The following GEMIN6 variants were observed in gnomAD, a reference collection of about 807,000 sequenced individuals.
GEMIN6 encodes the protein gem-associated protein 6.
In GEMIN6, 13 loss-of-function variants were observed where a neutral mutation model predicts 14.1. The observed-to-expected ratio is 0.92, with a 90% CI of 0.60 to 1.46. GEMIN6 has a LOEUF of 1.46. Among genes scored for constraint, GEMIN6 ranks in the 40% most tolerant of loss-of-function variants. The pLI, the probability that GEMIN6 is intolerant of heterozygous loss-of-function variation, is 0.00. For synonymous variants in GEMIN6, 87 were observed against 70.0 expected (o/e 1.24, Z -1.21); for missense variants, 271 against 202.4 (o/e 1.34, Z -2.06).
intron 2 of GEMIN6, among the ~76,000 whole-genome samples, chr2:38,780,484 G>T (rs988459502): frequency 1.4e-5 from 2 of 147,312 alleles, no homozygotes; most frequent in African/African-American, 2.5e-5. Context: ...CCTGCCTCAG[G>T]CTCCTAAGTA....
rs922806696 is a variant in GEMIN6, at chr2:38,783,098, G to C, written c.*1206G>C. On this transcript the variant is annotated 3_prime_UTR_variant, in exon 3 of 3. Transcript: ENST00000281950. ...TTGGTCAGGCTGGTCTCAAACTCCC[G>C]ACCTCAGGTGATCCGCCCGCCTCGG... 6.6e-6 allele frequency: 1 copy of C among 152,298 alleles called. No homozygotes were observed. Among genetic ancestry groups the C allele is most frequent in the Non-Finnish European group, 1.5e-5 (1 of 68,264 alleles). 9.4% of individuals were successfully genotyped at this position (152,298 alleles called of 1,614,324 possible). A position where few individuals can be genotyped will look rare whatever the true frequency, so the allele number is the denominator to read the frequency against.
rs1234176765 is a variant in GEMIN6, at chr2:38,781,829, T to C, written c.441T>C (p.Ser147=). Residue 147 remains serine, a synonymous_variant, in exon 3 of 3, where the codon TCT becomes TCC. Transcript: ENST00000281950. ...PPYGPENCSS[S]NEIILSRVQD... Reference sequence around the variant, plus strand: ...ATGGTCCAGAAAATTGCAGCAGCTCTAATGAGATTATTCTGTCGCGTGTTC... The same window carrying C: ...ATGGTCCAGAAAATTGCAGCAGCTCCAATGAGATTATTCTGTCGCGTGTTC... The C allele has an allele frequency of 1.2e-6, 2 of 1,613,722 alleles. No homozygotes were observed. Among genetic ancestry groups the C allele is most frequent in the Admixed American group, 1.7e-5 (1 of 59,984 alleles).
chr2:38,779,783 G>A (rs1456455518), intron 2 of GEMIN6, among the ~76,000 whole-genome samples: 1 of 142,320 alleles, frequency 7.0e-6, no homozygotes, highest in Non-Finnish European at 1.5e-5. Flanking sequence ...CCAGGTTCAA[G>A]TGATTCTCAT....
In GEMIN6 at chr2:38,782,267, TCGAG is replaced by T; in HGVS notation, c.*376_*379del. The T allele has an allele frequency of 1.2e-5, 2 of 167,200 alleles. No individual in the cohort carries two copies. The highest frequency in any genetic ancestry group is 2.6e-5 in the Non-Finnish European group (2 of 78,064). The allele number at this position is 167,200 out of a possible 1,614,324, so 10.4% of individuals were successfully genotyped here. ...CAACCGATTCCCCTGCCTCAGCCTC[TCGAG>T]TAGCTGGGACTACAGGTGCACGCCA... On this transcript the variant is annotated 3_prime_UTR_variant, in exon 3 of 3. Transcript: ENST00000281950.
At chr2:38,779,932 C>T (rs1324501515) in intron 2 of GEMIN6, among the ~76,000 whole-genome samples, 16 of 150,960 alleles carry the variant, frequency 1.1e-4, no homozygotes, top group Non-Finnish European at 1.5e-5. Flanking sequence ...ATCTGCCCAC[C>T]TTGGCCTCCC....
At chr2:38,779,341 C>T in intron 2 of GEMIN6, 1 of 461,444 alleles carries the variant, frequency 2.2e-6, no homozygotes, top group South Asian at 1.9e-5. Context: ...AGCGATTCTC[C>T]TGCCTTAGCC....
At chr2:38,781,204 G>A (rs556344972) in intron 2 of GEMIN6, among the ~76,000 whole-genome samples, 7 of 150,530 alleles carry the variant, frequency 4.7e-5, no homozygotes, top group African/African-American at 9.8e-5. Flanking sequence ...TCCTGACCTC[G>A]TGATCCACCC....
At position 38,783,274 on chromosome 2, in the gene GEMIN6, G is replaced by C. The variant is rs1223231735; in HGVS notation, c.*1382G>C. 6.6e-6 allele frequency: 1 copy of C among 152,584 alleles called. No homozygotes were observed. The highest frequency in any genetic ancestry group is 2.4e-5 in the African/African-American group (1 of 41,332). 9.5% of individuals were successfully genotyped at this position (152,584 alleles called of 1,614,324 possible). A position where few individuals can be genotyped will look rare whatever the true frequency, so the allele number is the denominator to read the frequency against. ...ACAATCTCGGCTCACTGCAACCTCT[G>C]CCTCCTGAGTTCAAGCCATTCTCCT... On this transcript the variant is annotated 3_prime_UTR_variant, in exon 3 of 3. Transcript: ENST00000281950.
chr2:38,781,380 T>G (rs552689126), intron 2 of GEMIN6, 137 bp from the exon 3 acceptor site: 2 of 909,834 alleles, frequency 2.2e-6, no homozygotes, highest in Non-Finnish European at 1.7e-6. Flanking sequence ...CTATTTAGGA[T>G]CCTTAGTGAA....
At position 38,781,774 on chromosome 2, in the gene GEMIN6, T is replaced by C; in HGVS notation, c.386T>C (p.Val129Ala). The C allele has an allele frequency of 6.2e-7, 1 of 1,614,194 alleles. No homozygotes were observed. The highest frequency in any genetic ancestry group is 2.2e-5 in the East Asian group (1 of 44,878). ...GGAGACGCTCCAAGGACTCTCTGTG[T>C]GGCTGGGGTCCTGACTATAGACCCA... ...EQGDAPRTLC[V>A]AGVLTIDPPY... The change falls in exon 3 of 3, where the codon GTG becomes GCG. Residue 129 changes from valine (V) to alanine (A), a missense_variant. Transcript: ENST00000281950.
rs775259745 is a variant in GEMIN6, at chr2:38,781,753, A to C, written c.365A>C (p.Asp122Ala). 1 of 1,614,188 alleles carries C rather than the reference A, an allele frequency of 6.2e-7. No homozygotes were observed. Among genetic ancestry groups the C allele is most frequent in the Non-Finnish European group, 8.5e-7 (1 of 1,180,032 alleles). ...CACATCCCCATCACTGAACAGGGAG[A>C]CGCTCCAAGGACTCTCTGTGTGGCT... ...KNHIPITEQGDAPRTLCVAGV... is the reference protein window; with the variant it reads ...KNHIPITEQGAAPRTLCVAGV... Residue 122 changes from aspartate (D) to alanine (A), a missense_variant, in exon 3 of 3, where the codon GAC becomes GCC. Transcript: ENST00000281950.
At position 38,781,650 on chromosome 2, in the gene GEMIN6, T is replaced by C. The variant is rs763846938; in HGVS notation, c.262T>C (p.Ser88Pro). 6.2e-7 allele frequency: 1 copy of C among 1,614,158 alleles called. No individual in the cohort carries two copies. The highest frequency in any genetic ancestry group is 8.5e-7 in the Non-Finnish European group (1 of 1,180,028). ...GGAGAAGCTGATGCATTTGTTCACG[T>C]CTGGAGACTGCAAAGCATACAGCCC... ...VREKLMHLFTSGDCKAYSPED... is the reference protein window; with the variant it reads ...VREKLMHLFTPGDCKAYSPED... The change falls in exon 3 of 3, where the codon TCT becomes CCT. Residue 88 changes from serine (S) to proline (P), a missense_variant. Ser to Pro is a moderately conservative substitution (Grantham distance 74). Coordinates refer to ENST00000281950, the MANE Select transcript of GEMIN6 (RefSeq NM_024775.10).
rs1330448223 is a variant in GEMIN6, at chr2:38,784,625, G to T, written c.*2733G>T. The T allele has an allele frequency of 6.6e-6, 1 of 152,076 alleles. No homozygotes were observed. Among genetic ancestry groups the T allele is most frequent in the East Asian group, 1.9e-4 (1 of 5,192 alleles). 9.4% of individuals were successfully genotyped at this position (152,076 alleles called of 1,614,324 possible). A position where few individuals can be genotyped will look rare whatever the true frequency, so the allele number is the denominator to read the frequency against. On this transcript the variant is annotated 3_prime_UTR_variant, in exon 3 of 3. Coordinates refer to ENST00000281950, the MANE Select transcript of GEMIN6 (RefSeq NM_024775.10). ...CAGGCCCGGTGCCTTGATATTGGTA[G>T]ATTTATTTGCCATCAGACTAATGAG...
Position 38,779,068 on chromosome 2 carries a change from G to T in GEMIN6, c.78G>T (p.Glu26Asp). The T allele has an allele frequency of 6.2e-7, 1 of 1,613,940 alleles. No homozygotes were observed. Among genetic ancestry groups the T allele is most frequent in the Non-Finnish European group, 8.5e-7 (1 of 1,179,890 alleles). Residue 26 changes from glutamate to aspartate, a missense_variant, in exon 2 of 3, where the codon GAG becomes GAT. Coordinates refer to ENST00000281950, the MANE Select transcript of GEMIN6 (RefSeq NM_024775.10). ...IYKEVRVTASEKNEYKGWVLT... is the reference protein window; with the variant it reads ...IYKEVRVTASDKNEYKGWVLT... ...AAGAGGTCCGAGTGACAGCCAGTGA[G>T]AAGAATGAGTATAAAGGATGGGTTT...
At chr2:38,779,664 ATTTTTTTTTTT>A (rs1166903482) in intron 2 of GEMIN6, among the ~76,000 whole-genome samples, 1 of 20,780 alleles carries the variant, frequency 4.8e-5, no homozygotes, top group Non-Finnish European at 8.0e-5. Flanking sequence ...ATATATATAT[ATTTTTTTTTTT>A]TTTTTTTTTT....
chr2:38,779,636 C>CTATATATATATATATA lies in GEMIN6; in HGVS notation c.128+532_128+547dup, dbSNP rs1171290307. On this transcript the variant is annotated intron_variant, in intron 2 of 2. Transcript: ENST00000281950. ...AAATTGGGCATAGAAATTATTCTTA[C>CTATATATATATATATA]TATATATATATATATATATATATAT... Among the ~76,000 whole-genome samples, 162 of 36,062 alleles carry CTATATATATATATATA rather than the reference C, an allele frequency of 4.5e-3. 4 individuals are homozygous for CTATATATATATATATA. The highest frequency in any genetic ancestry group is 6.3e-3 in the African/African-American group (61 of 9,626). The allele number at this position is 36,062 out of a possible 152,430, so 23.7% of individuals were successfully genotyped here.
rs1669166951 is a variant in GEMIN6, at chr2:38,784,787, T to C, written c.*2895T>C. 1.3e-5 allele frequency: 2 copies of C among 152,196 alleles called. No homozygotes were observed. Among genetic ancestry groups the C allele is most frequent in the Non-Finnish European group, 2.9e-5 (2 of 68,046 alleles). 9.4% of individuals were successfully genotyped at this position (152,196 alleles called of 1,614,324 possible). On this transcript the variant is annotated 3_prime_UTR_variant, in exon 3 of 3. Transcript: ENST00000281950. ...AACCTTCATGCTTAGGGAGTTTCCC[T>C]AGCTAATTCCTCAGCTAAGATTCTC...
chr2:38,778,556 A>C (rs1307228620), intron 1 of GEMIN6, among the ~76,000 whole-genome samples: 1 of 151,852 alleles, frequency 6.6e-6, no homozygotes, highest in Non-Finnish European at 1.5e-5. Context: ...AGTGGGGTGA[A>C]CTCCTTTGAT....
rs999150240 is a variant in GEMIN6, at chr2:38,784,494, G to A, written c.*2602G>A. The A allele has an allele frequency of 1.4e-4, 21 of 149,874 alleles. No homozygotes were observed. The highest frequency in any genetic ancestry group is 4.4e-4 in the African/African-American group (18 of 40,588). 9.3% of individuals were successfully genotyped at this position (149,874 alleles called of 1,614,324 possible). A position where few individuals can be genotyped will look rare whatever the true frequency, so the allele number is the denominator to read the frequency against. On this transcript the variant is annotated 3_prime_UTR_variant, in exon 3 of 3. Transcript: ENST00000281950. ...AGGTTGCAGTGAGCCGAGATTGTACGCATTCCAGCTTGGGCAGCAGAACGA... is the reference window on the plus strand; with the variant it reads ...AGGTTGCAGTGAGCCGAGATTGTACACATTCCAGCTTGGGCAGCAGAACGA...
Sources: allele counts gnomAD v4.1 joint callset (sites outside exome capture counted in the v4.1 genomes callset), GRCh38; gene constraint gnomAD v4.1.1; transcripts MANE v1.5; gene names NCBI Gene and HGNC (gene_info 2026-07-23, HGNC 2026-07-21).